Variants in PTPRT observed in about 807,000 individuals in gnomAD.
PTPRT encodes the protein protein tyrosine phosphatase receptor type T, also known as receptor-type tyrosine-protein phosphatase T.
PTPRT carries 56 observed loss-of-function variants against 176.8 expected under a neutral mutation model. That is an observed-to-expected ratio of 0.32 (90% CI 0.26 to 0.40). PTPRT has a LOEUF of 0.40. Ranked by LOEUF, PTPRT falls within the 10% of genes least tolerant of loss-of-function variation. The probability of loss-of-function intolerance (pLI) is 1.00; values close to 1 mark genes in which losing one functional copy is unlikely to be tolerated. For synonymous variants in PTPRT, 783 were observed against 739.0 expected, an observed-to-expected ratio of 1.06 and a Z score of -0.96; for missense variants, 1,540 against 1,908.2, an observed-to-expected ratio of 0.81 and a Z score of 3.60.
intron 1 of PTPRT, among the ~76,000 whole-genome samples, chr20:42,912,425 G>C (rs1600549656): frequency 6.6e-6 from 1 of 152,090 alleles, no homozygotes; most frequent in Admixed American, 6.5e-5. Flanking sequence ...ATTCTAATTT[G>C]TAAGTGTTCT....
chr20:42,452,052 C>T (rs62203505), intron 8 of PTPRT, among the ~76,000 whole-genome samples: 32,042 of 152,036 alleles, frequency 0.21, 3,492 homozygotes, highest in Middle Eastern at 0.32. Flanking sequence ...GGGCAGATCA[C>T]GAGATCAAGA....
intron 6 of PTPRT, among the ~76,000 whole-genome samples, chr20:42,719,526 C>T (rs376566215): frequency 1.3e-5 from 2 of 152,286 alleles, no homozygotes; most frequent in East Asian, 1.9e-4. Context: ...GCTCTATAGC[C>T]GTGGTCCTTG....
intron 1 of PTPRT, among the ~76,000 whole-genome samples, chr20:43,007,839 T>C (rs2146144087): frequency 6.6e-6 from 1 of 152,364 alleles, no homozygotes; most frequent in African/African-American, 2.4e-5. Flanking sequence ...TTATCTGCAC[T>C]TACCAGCTCT....
rs2056499282 is a variant in PTPRT at position 42,248,745 on chromosome 20, C to T, written c.2254G>A (p.Ala752Thr). Residue 752 changes from alanine to threonine, a missense_variant, in exon 14 of 31, where the codon GCT (alanine) becomes ACT (threonine). Physicochemically the swap from Ala to Thr is moderately conservative, Grantham distance 58. Transcript: ENST00000373187. ...ATGATGATGAACATGAGGAGGCCAG[C>T]GATCACGCCAGCCATCTTCACGGTG... ...DNTVKMAGVI[A>T]GLLMFIIILL... 3.7e-6 allele frequency: 6 copies of T among 1,614,016 alleles called. No homozygotes were observed. Among genetic ancestry groups the T allele is most frequent in the Non-Finnish European group, 5.1e-6 (6 of 1,179,974 alleles).
intron 1 of PTPRT, among the ~76,000 whole-genome samples, chr20:43,018,545 C>T (rs780630889): frequency 3.3e-5 from 5 of 152,106 alleles, no homozygotes; most frequent in African/African-American, 4.8e-5. Flanking sequence ...CAAAAGACAT[C>T]GTAAACAAGA....
chr20:42,750,008 A>C (rs1349181973), intron 6 of PTPRT, among the ~76,000 whole-genome samples: 3 of 152,170 alleles, frequency 2.0e-5, no homozygotes, highest in African/African-American at 7.2e-5. Flanking sequence ...AGAAACTTGT[A>C]AATGCTGAAA....
At chr20:42,624,093 A>T (rs370586393) in intron 7 of PTPRT, among the ~76,000 whole-genome samples, 1 of 152,042 alleles carries the variant, frequency 6.6e-6, no homozygotes, top group Admixed American at 6.6e-5. Context: ...TGTACCAGGC[A>T]CTGTCCTAGG....
At chr20:42,064,102 G>T in the PTPRT span, 1 of 151,346 alleles carries the variant, frequency 6.6e-6, no homozygotes, top group East Asian at 1.9e-4. Context: ...ACAAATAGGA[G>T]ACTTGTCTTC....
intron 7 of PTPRT, among the ~76,000 whole-genome samples, chr20:42,577,837 CTGTGTGTG>C (rs11468271): frequency 1.4e-5 from 2 of 139,348 alleles, no homozygotes; most frequent in Non-Finnish European, 3.1e-5. Flanking sequence ...CTGAGCAAGG[CTGTGTGTG>C]TGTGTGTGTG....
At chr20:42,240,836 T>C (rs1330111082) in intron 14 of PTPRT, among the ~76,000 whole-genome samples, 1 of 152,200 alleles carries the variant, frequency 6.6e-6, no homozygotes, top group Non-Finnish European at 1.5e-5. Flanking sequence ...TAGAAAGACA[T>C]ATGAGATCCT....
chr20:42,306,685 G>C (rs760448579), intron 12 of PTPRT, among the ~76,000 whole-genome samples: 1 of 152,158 alleles, frequency 6.6e-6, no homozygotes, highest in Admixed American at 6.5e-5. Flanking sequence ...CTCAGCTACC[G>C]ATGGGTGGTA....
At chr20:42,251,728 A>AG (rs369346022) in intron 13 of PTPRT, among the ~76,000 whole-genome samples, 18 of 151,642 alleles carry the variant, frequency 1.2e-4, no homozygotes, top group African/African-American at 3.6e-4. Flanking sequence ...AAAAAACAAA[A>AG]AAAAGAAAAG....
At chr20:42,805,770 C>T (rs187483384) in intron 2 of PTPRT, among the ~76,000 whole-genome samples, 8 of 152,260 alleles carry the variant, frequency 5.3e-5, no homozygotes, top group Non-Finnish European at 1.0e-4. Context: ...TTTTCTGAGC[C>T]TGTGCATTTC....
intron 9 of PTPRT, among the ~76,000 whole-genome samples, chr20:42,441,371 G>A (rs1601030448): frequency 6.6e-6 from 1 of 152,142 alleles, no homozygotes; most frequent in Non-Finnish European, 1.5e-5. Context: ...ACAGAGTGGC[G>A]AGGGCTGCCA....
At chr20:42,544,737 G>T (rs1260453082) in intron 7 of PTPRT, among the ~76,000 whole-genome samples, 1 of 152,216 alleles carries the variant, frequency 6.6e-6, no homozygotes, top group Non-Finnish European at 1.5e-5. Context: ...AGATCACATG[G>T]TCTTGCATTC....
At chr20:43,182,144 C>T (rs2015273837) in intron 1 of PTPRT, among the ~76,000 whole-genome samples, 1 of 152,132 alleles carries the variant, frequency 6.6e-6, no homozygotes, top group Non-Finnish European at 1.5e-5. Flanking sequence ...ACATAACCAC[C>T]CACCAGGAGG....
chr20:42,349,794 A>G (rs1332147796), intron 11 of PTPRT, among the ~76,000 whole-genome samples: 1 of 152,204 alleles, frequency 6.6e-6, no homozygotes, highest in Non-Finnish European at 1.5e-5. Context: ...CCGGCAGTCA[A>G]TATTGCTGCC....
chr20:42,179,129 T>G (rs552809116), intron 16 of PTPRT, among the ~76,000 whole-genome samples: 1 of 152,342 alleles, frequency 6.6e-6, no homozygotes, highest in African/African-American at 2.4e-5. Context: ...AATATCATTC[T>G]GCAATGTTTT....
intron 13 of PTPRT, among the ~76,000 whole-genome samples, chr20:42,273,334 A>C (rs937736424): frequency 1.3e-5 from 2 of 151,546 alleles, no homozygotes; most frequent in African/African-American, 4.8e-5. Context: ...TCCTGCCTCA[A>C]CCTCCTGAGT....
Sources: gnomAD v4.1 joint callset for allele counts (sites outside exome capture counted in the v4.1 genomes callset) on GRCh38, gnomAD v4.1.1 for gene constraint, MANE v1.5 for transcripts, NCBI Gene and HGNC (gene_info 2026-07-23, HGNC 2026-07-21) for gene names.